Variants in LAMA3 observed in about 807,000 individuals in gnomAD.
LAMA3 encodes the protein laminin subunit alpha-3.
A neutral mutation model predicts 402.0 loss-of-function variants in LAMA3; 281 were observed. The observed-to-expected ratio is 0.70, with a 90% CI of 0.63 to 0.77. The LOEUF is 0.77. LAMA3 is among the 30% of genes least tolerant of loss of function. The pLI, the probability that LAMA3 is intolerant of heterozygous loss-of-function variation, is 0.00. For synonymous variants in LAMA3, 1,431 were observed against 1,558.4 expected, an observed-to-expected ratio of 0.92 and a Z score of 1.93; for missense variants, 3,840 against 4,215.5, an observed-to-expected ratio of 0.91 and a Z score of 2.47.
At chr18:23,790,379 GTTAT>G (rs1187172060) in intron 12 of LAMA3, among the ~76,000 whole-genome samples, 1 of 152,176 alleles carries the variant, frequency 6.6e-6, no homozygotes, top group Non-Finnish European at 1.5e-5. Context: ...CTTGTTCATA[GTTAT>G]TTATGTTTTG....
At chr18:23,782,146 G>C (rs2062449664) in intron 11 of LAMA3, among the ~76,000 whole-genome samples, 1 of 152,164 alleles carries the variant, frequency 6.6e-6, no homozygotes, top group South Asian at 2.1e-4. Context: ...TTTCCAAAAT[G>C]CATGAGACTT....
chr18:23,738,350 A>G (rs554223118), intron 2 of LAMA3, among the ~76,000 whole-genome samples: 19 of 152,102 alleles, frequency 1.2e-4, no homozygotes, highest in Non-Finnish European at 2.1e-4. Flanking sequence ...TTTTGACAGG[A>G]GGAGGTTCCT....
chr18:23,931,513 A>G (rs1198357770), intron 65 of LAMA3: 1 of 243,470 alleles, frequency 4.1e-6, no homozygotes, highest in African/African-American at 2.3e-5. Flanking sequence ...AATAAAATAA[A>G]ATGTAAATAA....
intron 48 of LAMA3, among the ~76,000 whole-genome samples, chr18:23,901,773 C>T (rs776390989): frequency 4.0e-4 from 61 of 152,148 alleles, no homozygotes; most frequent in Non-Finnish European, 8.1e-4. Flanking sequence ...AAGTACAGGC[C>T]ACCTACAGAA....
intron 23 of LAMA3, among the ~76,000 whole-genome samples, chr18:23,831,557 C>T (rs1568231350): frequency 6.6e-6 from 1 of 152,162 alleles, no homozygotes; most frequent in Admixed American, 6.5e-5. Context: ...ATCTCCTCGA[C>T]TAGCTCAGGC....
At chr18:23,916,177 A>G (rs942756510) in intron 59 of LAMA3, among the ~76,000 whole-genome samples, 13 of 152,254 alleles carry the variant, frequency 8.5e-5, no homozygotes, top group Middle Eastern at 6.8e-3. Context: ...TTACAAGGAC[A>G]TGGTATATTC....
rs569750212 is a variant in LAMA3, at chr18:23,920,749, C to T, written c.7924-186C>T. 1.4e-3 allele frequency among the ~76,000 whole-genome samples: 215 copies of T among 152,266 alleles called. 2 individuals are homozygous for T. In the South Asian group the frequency reaches 0.017, roughly 12 times the overall value. On this transcript the variant is annotated intron_variant, in intron 60 of 74. Coordinates refer to ENST00000313654, the MANE Select transcript of LAMA3 (RefSeq NM_198129.4). ...GCCAACCACTGTGCGTGACATTTAA[C>T]GTGACTTACAGTATTGAACCATCAT... is the stretch of plus-strand genomic sequence containing the variant.
chr18:23,945,783 A>C (rs921112777), intron 69 of LAMA3, among the ~76,000 whole-genome samples: 7 of 152,186 alleles, frequency 4.6e-5, no homozygotes, highest in African/African-American at 7.2e-5. Flanking sequence ...CCCCGTCCCC[A>C]GCACTGTATA....
intron 73 of LAMA3, 25 bp from the exon 74 acceptor site, chr18:23,952,965 G>T (rs2082970590): frequency 2.5e-6 from 4 of 1,613,664 alleles, no homozygotes; most frequent in South Asian, 2.2e-5. Context: ...TCCGATGATA[G>T]ACCTAACCAG....
chr18:23,719,482 T>C (rs1241058370), intron 2 of LAMA3, among the ~76,000 whole-genome samples: 1 of 152,172 alleles, frequency 6.6e-6, no homozygotes, highest in Non-Finnish European at 1.5e-5. Flanking sequence ...AGGTTAAATG[T>C]AATAGGGGAA....
chr18:23,796,603 A>C (rs553614280), intron 12 of LAMA3, among the ~76,000 whole-genome samples: 48 of 152,344 alleles, frequency 3.2e-4, no homozygotes, highest in African/African-American at 1.1e-3. Context: ...AAAGCTCTTT[A>C]ATCAGCTGCA....
chr18:23,825,141 A>G (rs2063356418), intron 21 of LAMA3, among the ~76,000 whole-genome samples: 1 of 152,228 alleles, frequency 6.6e-6, no homozygotes, highest in African/African-American at 2.4e-5. Flanking sequence ...TCTGTGTTAA[A>G]CCTAAAGCAG....
intron 8 of LAMA3, among the ~76,000 whole-genome samples, chr18:23,766,469 G>A (rs2062077011): frequency 6.6e-6 from 1 of 152,176 alleles, no homozygotes; most frequent in Non-Finnish European, 1.5e-5. Context: ...GAGGTAATAC[G>A]AGATGGAAAC....
intron 2 of LAMA3, among the ~76,000 whole-genome samples, chr18:23,722,131 C>G (rs529874671): frequency 6.6e-6 from 1 of 152,318 alleles, no homozygotes; most frequent in Non-Finnish European, 1.5e-5. Context: ...CAGTAGAGAC[C>G]TAACTGTAAT....
intron 70 of LAMA3, among the ~76,000 whole-genome samples, chr18:23,948,043 A>C (rs2082771912): frequency 6.6e-6 from 1 of 151,944 alleles, no homozygotes; most frequent in African/African-American, 2.4e-5. Context: ...CGATCTCCTG[A>C]CCTCGTGATC....
At chr18:23,712,236 C>T (rs1374575435) in intron 1 of LAMA3, among the ~76,000 whole-genome samples, 9 of 151,654 alleles carry the variant, frequency 5.9e-5, no homozygotes, top group South Asian at 2.1e-4. Context: ...CAAAATTAGC[C>T]GGGCGTGGTG....
intron 2 of LAMA3, among the ~76,000 whole-genome samples, chr18:23,717,001 C>T (rs1033532739): frequency 6.6e-6 from 1 of 152,122 alleles, no homozygotes; most frequent in Non-Finnish European, 1.5e-5. Flanking sequence ...AATAAACTCT[C>T]ATTAAAAAGA....
chr18:23,939,672 A>C lies in LAMA3; in HGVS notation c.9026+286A>C, dbSNP rs1258147. On this transcript the variant is annotated intron_variant, in intron 68 of 74. Coordinates refer to ENST00000313654, the MANE Select transcript of LAMA3 (RefSeq NM_198129.4). ...ATGGTGTTCTAAAAATAAGGATGACATTTTTTTTCTAAAGCTGCTGTTTAT... is the reference window on the plus strand; with the variant it reads ...ATGGTGTTCTAAAAATAAGGATGACCTTTTTTTTCTAAAGCTGCTGTTTAT... 0.22 allele frequency among the ~76,000 whole-genome samples: 33,798 copies of C among 151,928 alleles called. 3,873 individuals carry two copies. Among genetic ancestry groups the C allele is most frequent in the African/African-American group, 0.27 (11,153 of 41,374 alleles).
Position 23,946,244 on chromosome 18 carries a change from C to A in LAMA3, c.9311C>A (p.Ala3104Glu), listed in dbSNP as rs571009750. ...LPGNSTISIR[A>E]PVYLGSPPSG... ...GGAAACTCCACCATCAGCATCAGAGCGCCAGTTTACCTGGGATCACCTCCA... is the reference window on the plus strand; with the variant it reads ...GGAAACTCCACCATCAGCATCAGAGAGCCAGTTTACCTGGGATCACCTCCA... The change falls in exon 70 of 75, where the codon GCG becomes GAG. Residue 3104 changes from alanine (A) to glutamate (E), a missense_variant. Physicochemically the swap from Ala to Glu is moderately radical, Grantham distance 107 (BLOSUM62 -1). Coordinates refer to ENST00000313654, the MANE Select transcript of LAMA3 (RefSeq NM_198129.4). 6 of 1,613,866 alleles carry A rather than the reference C, an allele frequency of 3.7e-6. No homozygotes were observed. The highest frequency in any genetic ancestry group is 5.1e-6 in the Non-Finnish European group (6 of 1,180,002).
Sources: allele counts gnomAD v4.1 joint callset (sites outside exome capture counted in the v4.1 genomes callset), GRCh38; gene constraint gnomAD v4.1.1; transcripts MANE v1.5; gene names NCBI Gene and HGNC (gene_info 2026-07-23, HGNC 2026-07-21).